The following NCAM2 variants were observed in gnomAD, a reference collection of about 807,000 sequenced individuals.
NCAM2 encodes the protein N-CAM-2.
A neutral mutation model predicts 98.1 loss-of-function variants in NCAM2; 30 were observed. The ratio of observed to expected loss-of-function variants is 0.31; its 90% confidence interval spans 0.23 to 0.41. NCAM2 has a LOEUF of 0.41. Ranked by LOEUF, NCAM2 falls within the 10% of genes least tolerant of loss-of-function variation. The pLI, the probability that NCAM2 is intolerant of heterozygous loss-of-function variation, is 1.00. For missense variants in NCAM2, 867 were observed against 1,005.8 expected, an observed-to-expected ratio of 0.86 and a Z score of 1.87; for synonymous variants, 368 against 342.4, an observed-to-expected ratio of 1.07 and a Z score of -0.83.
intron 1 of NCAM2, among the ~76,000 whole-genome samples, chr21:21,002,299 A>G (rs76194767): frequency 0.012 from 1,776 of 152,186 alleles, 37 homozygotes; most frequent in African/African-American, 0.04. Context: ...AGTCTTTTCA[A>G]TGACACAGGG....
chr21:21,434,791 G>T (rs1467611856), intron 12 of NCAM2, among the ~76,000 whole-genome samples: 2 of 152,138 alleles, frequency 1.3e-5, no homozygotes, highest in African/African-American at 4.8e-5. Context: ...CATTCACATT[G>T]TCTCTGGCCT....
chr21:21,128,318 A>G (rs1019846775), intron 1 of NCAM2, among the ~76,000 whole-genome samples: 6 of 151,912 alleles, frequency 3.9e-5, no homozygotes, highest in Non-Finnish European at 8.8e-5. Context: ...ATTAAAATGG[A>G]TGCATGCCTG....
chr21:21,053,574 T>G (rs572008538), intron 1 of NCAM2, among the ~76,000 whole-genome samples: 1 of 151,300 alleles, frequency 6.6e-6, no homozygotes, highest in Non-Finnish European at 1.5e-5. Context: ...GCCATTTATT[T>G]ACATATATAT....
intron 6 of NCAM2, among the ~76,000 whole-genome samples, chr21:21,327,306 CAAAAA>C (rs11384559): frequency 9.9e-4 from 81 of 82,182 alleles, no homozygotes; most frequent in East Asian, 2.3e-3. Flanking sequence ...GACTCTGTCT[CAAAAA>C]AAAAAAAAAA....
At chr21:21,529,869 A>T (rs1989528007) in intron 16 of NCAM2, among the ~76,000 whole-genome samples, 1 of 151,110 alleles carries the variant, frequency 6.6e-6, no homozygotes, top group Non-Finnish European at 1.5e-5. Context: ...TAATAATATC[A>T]CCTTTTATGA....
chr21:21,342,219 T>C (rs1568955741), intron 8 of NCAM2, among the ~76,000 whole-genome samples: 1 of 152,220 alleles, frequency 6.6e-6, no homozygotes, highest in Non-Finnish European at 1.5e-5. Flanking sequence ...CTGGTATTAT[T>C]ACTGCATAGT....
Position 21,490,101 on chromosome 21 carries a change from T to A in NCAM2, c.2077+12630T>A, listed in dbSNP as rs565326440. Among the ~76,000 whole-genome samples, 508 of 152,192 alleles carry A rather than the reference T, an allele frequency of 3.3e-3. 1 individual carries two copies. The highest frequency in any genetic ancestry group is 0.012 in the African/African-American group (486 of 41,570). ...AAATTAAGAACTCAACAAAGATCTC[T>A]TGTAATAATTCAACATATTCCCTGG... On this transcript the variant is annotated intron_variant, in intron 15 of 17. Coordinates refer to ENST00000400546, the MANE Select transcript of NCAM2 (RefSeq NM_004540.5).
At chr21:21,214,985 T>G (rs1440132907) in intron 1 of NCAM2, among the ~76,000 whole-genome samples, 1 of 151,744 alleles carries the variant, frequency 6.6e-6, no homozygotes, top group Non-Finnish European at 1.5e-5. Context: ...GCAAGTGGAG[T>G]GATGTAATCC....
chr21:21,202,665 C>T (rs1227392121), intron 1 of NCAM2, among the ~76,000 whole-genome samples: 3 of 151,986 alleles, frequency 2.0e-5, no homozygotes, highest in African/African-American at 7.2e-5. Context: ...ATCTGCCCAC[C>T]GCAGCCTCCC....
At chr21:21,049,393 T>C (rs1433165524) in intron 1 of NCAM2, among the ~76,000 whole-genome samples, 1 of 152,158 alleles carries the variant, frequency 6.6e-6, no homozygotes, top group East Asian at 1.9e-4. Context: ...AAAACACCAC[T>C]ACATTAGGCT....
At chr21:21,208,888 G>C (rs1200284779) in intron 1 of NCAM2, among the ~76,000 whole-genome samples, 1 of 151,440 alleles carries the variant, frequency 6.6e-6, no homozygotes, top group Non-Finnish European at 1.5e-5. Flanking sequence ...CTTTTTCTTT[G>C]TTCTATGTTC....
chr21:21,280,766 C>A, intron 2 of NCAM2, 114 bp downstream of exon 2: 1 of 670,764 alleles, frequency 1.5e-6, no homozygotes, highest in Non-Finnish European at 2.3e-6. Context: ...TAACATCTTA[C>A]AGTTGGTTTT....
intron 5 of NCAM2, among the ~76,000 whole-genome samples, chr21:21,304,743 T>G (rs904278201): frequency 2.0e-5 from 3 of 152,188 alleles, no homozygotes; most frequent in African/African-American, 7.2e-5. Flanking sequence ...TTGACATTAT[T>G]GATCCTTCTG....
intron 12 of NCAM2, among the ~76,000 whole-genome samples, chr21:21,434,746 G>A (rs149916192): frequency 4.6e-5 from 7 of 152,274 alleles, no homozygotes; most frequent in African/African-American, 1.4e-4. Flanking sequence ...GTTCAGCCAT[G>A]CACAGTTTAA....
chr21:21,146,634 C>T (rs75388669), intron 1 of NCAM2, among the ~76,000 whole-genome samples: 2 of 149,264 alleles, frequency 1.3e-5, no homozygotes, highest in Non-Finnish European at 3.0e-5. Flanking sequence ...AGCCATTTAA[C>T]GTATTAAAGA....
At chr21:21,269,788 A>G (rs571820011) in intron 1 of NCAM2, among the ~76,000 whole-genome samples, 8 of 152,196 alleles carry the variant, frequency 5.3e-5, no homozygotes, top group Non-Finnish European at 8.8e-5. Context: ...TTGTAGTAGC[A>G]TTTGCAGTAC....
chr21:21,452,132 G>GT (rs1472558932), intron 12 of NCAM2, among the ~76,000 whole-genome samples: 4 of 148,000 alleles, frequency 2.7e-5, no homozygotes, highest in Non-Finnish European at 6.0e-5. Flanking sequence ...TTTTCAGGAG[G>GT]TTTTTTATCT....
intron 9 of NCAM2, among the ~76,000 whole-genome samples, chr21:21,380,718 C>T (rs2076135644): frequency 6.6e-6 from 1 of 152,160 alleles, no homozygotes; most frequent in Non-Finnish European, 1.5e-5. Flanking sequence ...TCAAACTTTC[C>T]TTGCAATTAA....
At chr21:21,483,206 C>G (rs1986048268) in intron 15 of NCAM2, among the ~76,000 whole-genome samples, 1 of 151,934 alleles carries the variant, frequency 6.6e-6, no homozygotes, top group South Asian at 2.1e-4. Context: ...TCCTTCTTTT[C>G]CTGAAGACAT....
Sources: gnomAD v4.1 joint callset for allele counts (sites outside exome capture counted in the v4.1 genomes callset) on GRCh38, gnomAD v4.1.1 for gene constraint, MANE v1.5 for transcripts, NCBI Gene and HGNC (gene_info 2026-07-23, HGNC 2026-07-21) for gene names.